KCNMA1: variants seen among roughly 807,000 people sequenced by gnomAD.
The protein encoded by KCNMA1 is Calcium-activated potassium channel subunit alpha-1.
KCNMA1 carries 29 observed loss-of-function variants against 140.0 expected under a neutral mutation model. The ratio of observed to expected loss-of-function variants is 0.21; its 90% CI spans 0.15 to 0.28. The LOEUF (loss-of-function observed/expected upper bound fraction) is 0.28, where lower values mean the gene tolerates loss of function less well. Ranked by LOEUF, KCNMA1 falls within the 10% of genes least tolerant of loss-of-function variation. The probability of loss-of-function intolerance (pLI) is 1.00; values close to 1 mark genes in which losing one functional copy is unlikely to be tolerated. For synonymous variants in KCNMA1, 612 were observed against 611.9 expected, an observed-to-expected ratio of 1.00 and a Z score of 0.00; for missense variants, 880 against 1,602.2, an observed-to-expected ratio of 0.55 and a Z score of 7.70.
intron 1 of KCNMA1, chr10:77,498,666 T>C (rs931177514): frequency 2.0e-5 from 3 of 152,268 alleles, no homozygotes; most frequent in Non-Finnish European, 2.9e-5. Context: ...CTATGGGCAA[T>C]GAGGTGCACA....
intron 5 of KCNMA1, among the ~76,000 whole-genome samples, chr10:77,182,609 A>C (rs2098812021): frequency 6.6e-6 from 1 of 152,134 alleles, no homozygotes; most frequent in African/African-American, 2.4e-5. Flanking sequence ...TTACTTTTTA[A>C]ATAATTAAGC....
chr10:77,518,299 G>T (rs2154549801), intron 1 of KCNMA1, among the ~76,000 whole-genome samples: 1 of 152,260 alleles, frequency 6.6e-6, no homozygotes. Flanking sequence ...GAAATATGAG[G>T]TCTCAAAGGA....
Position 76,920,045 on chromosome 10 carries a change from TATATATAC to T in KCNMA1, c.2903-5004_2903-4997del, listed in dbSNP as rs1314397661. 2.3e-3 allele frequency among the ~76,000 whole-genome samples: 272 copies of T among 119,644 alleles called. 14 individuals carry two copies. The highest frequency in any genetic ancestry group is 6.2e-3 in the African/African-American group (167 of 26,966). 78.5% of individuals were successfully genotyped at this position (119,644 alleles called of 152,430 possible). A position where few individuals can be genotyped will look rare whatever the true frequency, so the allele number is the denominator to read the frequency against. On this transcript the variant is annotated intron_variant, in intron 23 of 27. Transcript: ENST00000286628. ...GTATATATATATATATATATATATATATATATACACACAATATTCCTTATGTGATCATA... is the reference window on the plus strand; with the variant it reads ...GTATATATATATATATATATATATATACACAATATTCCTTATGTGATCATA...
intron 14 of KCNMA1, among the ~76,000 whole-genome samples, chr10:77,052,507 G>A (rs982510007): frequency 2.0e-5 from 3 of 151,486 alleles, no homozygotes; most frequent in Admixed American, 6.6e-5. Flanking sequence ...CACACTATTC[G>A]TACCTGTCGT....
At chr10:77,519,759 A>G (rs2052134147) in intron 1 of KCNMA1, among the ~76,000 whole-genome samples, 1 of 152,260 alleles carries the variant, frequency 6.6e-6, no homozygotes, top group Non-Finnish European at 1.5e-5. Context: ...CAGAACAGAA[A>G]AAATTTTCAA....
chr10:77,399,525 A>G (rs1053516103), intron 2 of KCNMA1, among the ~76,000 whole-genome samples: 1 of 152,208 alleles, frequency 6.6e-6, no homozygotes, highest in Non-Finnish European at 1.5e-5. Context: ...CACGTGCTCC[A>G]AGAGAAGGCT....
intron 1 of KCNMA1, among the ~76,000 whole-genome samples, chr10:77,518,501 C>T (rs1485200088): frequency 6.6e-6 from 1 of 152,140 alleles, no homozygotes; most frequent in African/African-American, 2.4e-5. Flanking sequence ...TAGTATGAAT[C>T]CGTCACTTCT....
intron 3 of KCNMA1, among the ~76,000 whole-genome samples, chr10:77,206,144 A>G (rs2044036154): frequency 6.6e-6 from 1 of 152,244 alleles, no homozygotes; most frequent in African/African-American, 2.4e-5. Context: ...TTAAAGCTTA[A>G]GAACAATCTC....
intron 5 of KCNMA1, among the ~76,000 whole-genome samples, chr10:77,135,246 T>C (rs1461608939): frequency 6.6e-6 from 1 of 152,198 alleles, no homozygotes; most frequent in Middle Eastern, 3.4e-3. Flanking sequence ...TTTAAAATGT[T>C]TGACATCACT....
Position 77,079,556 on chromosome 10 carries a change from A to G in KCNMA1, c.1524-6T>C. On this transcript the variant is annotated splice_region_variant and splice_polypyrimidine_tract_variant and intron_variant, in intron 12 of 27. Transcript: ENST00000286628. ...AGTTCTTTATGGAGATTACTCTGAA[A>G]AAGAAAGAACCAATGCTGAGACAGG... 1 of 1,593,154 alleles carries G rather than the reference A, an allele frequency of 6.3e-7. No homozygotes were observed. Among genetic ancestry groups the G allele is most frequent in the Non-Finnish European group, 8.6e-7 (1 of 1,160,906 alleles).
intron 5 of KCNMA1, among the ~76,000 whole-genome samples, chr10:77,153,831 C>T (rs1440011062): frequency 6.6e-6 from 1 of 152,182 alleles, no homozygotes; most frequent in African/African-American, 2.4e-5. Flanking sequence ...TTGCTGAGTG[C>T]TCACCAAGTC....
At chr10:77,127,666 A>T (rs969602838) in intron 5 of KCNMA1, among the ~76,000 whole-genome samples, 1 of 152,044 alleles carries the variant, frequency 6.6e-6, no homozygotes, top group African/African-American at 2.4e-5. Context: ...AAAGGGAGAG[A>T]ACGAGGGTAA....
At chr10:77,227,550 G>A (rs182447454) in intron 3 of KCNMA1, among the ~76,000 whole-genome samples, 1 of 152,272 alleles carries the variant, frequency 6.6e-6, no homozygotes, top group East Asian at 1.9e-4. Context: ...TCTTAACTCA[G>A]AAATAAATCA....
At chr10:77,308,450 T>C (rs2078374252) in intron 2 of KCNMA1, among the ~76,000 whole-genome samples, 1 of 152,328 alleles carries the variant, frequency 6.6e-6, no homozygotes, top group East Asian at 1.9e-4. Flanking sequence ...GGAAAGCCCC[T>C]GCTCTCTTGC....
At chr10:77,089,332 G>A (rs916820503) in intron 10 of KCNMA1, among the ~76,000 whole-genome samples, 1 of 152,178 alleles carries the variant, frequency 6.6e-6, no homozygotes, top group Non-Finnish European at 1.5e-5. Context: ...CGTCAAGCCA[G>A]CACAAACATG....
chr10:77,247,659 C>T (rs531090460), intron 3 of KCNMA1, among the ~76,000 whole-genome samples: 34 of 152,036 alleles, frequency 2.2e-4, no homozygotes, highest in Non-Finnish European at 5.0e-4. Flanking sequence ...AGAAAGGGAG[C>T]TTTTTGTACA....
chr10:76,905,048 G>T (rs1453703940), intron 25 of KCNMA1: 1 of 152,186 alleles, frequency 6.6e-6, no homozygotes, highest in African/African-American at 2.4e-5. Flanking sequence ...CTAATTTAAA[G>T]AAGGCAGGAA....
intron 1 of KCNMA1, among the ~76,000 whole-genome samples, chr10:77,576,425 C>T (rs2074110959): frequency 6.6e-6 from 1 of 152,206 alleles, no homozygotes; most frequent in Non-Finnish European, 1.5e-5. Context: ...TCCTTTAACT[C>T]CTCTTGCTAT....
intron 2 of KCNMA1, among the ~76,000 whole-genome samples, chr10:77,328,217 T>C (rs1406609277): frequency 2.0e-5 from 3 of 152,226 alleles, no homozygotes; most frequent in Admixed American, 2.0e-4. Context: ...ACTCAATAAA[T>C]ATGTAATTGT....
Sources: allele counts gnomAD v4.1 joint callset (sites outside exome capture counted in the v4.1 genomes callset), GRCh38; gene constraint gnomAD v4.1.1; transcripts MANE v1.5; gene names NCBI Gene and HGNC (gene_info 2026-07-23, HGNC 2026-07-21).